Variants in SIPA1L2 observed in about 807,000 individuals in gnomAD.
The protein encoded by SIPA1L2 is signal induced proliferation associated 1 like 2.
Under a neutral mutation model 163.9 loss-of-function variants are expected in SIPA1L2, and 56 were observed. The ratio of observed to expected loss-of-function variants is 0.34; its 90% CI spans 0.28 to 0.43. The LOEUF is 0.43. Ranked by LOEUF, SIPA1L2 falls within the 20% of genes least tolerant of loss-of-function variation. The probability of loss-of-function intolerance (pLI) is 1.00; values close to 1 mark genes in which losing one functional copy is unlikely to be tolerated. For missense variants in SIPA1L2, 1,974 were observed against 2,193.5 expected (o/e 0.90, Z 2.00); for synonymous variants, 877 against 865.7 (o/e 1.01, Z -0.23).
At chr1:232,419,989 TAC>T (rs1661475654) in intron 18 of SIPA1L2, among the ~76,000 whole-genome samples, 1 of 152,168 alleles carries the variant, frequency 6.6e-6, no homozygotes, top group South Asian at 2.1e-4. Context: ...AACAGATGAA[TAC>T]TGTTGGTGTT....
At chr1:232,478,098 G>A (rs1665138138) in intron 7 of SIPA1L2, among the ~76,000 whole-genome samples, 1 of 152,198 alleles carries the variant, frequency 6.6e-6, no homozygotes, top group Non-Finnish European at 1.5e-5. Flanking sequence ...AAGATCCAGT[G>A]AATCTGCTCG....
intron 19 of SIPA1L2, among the ~76,000 whole-genome samples, chr1:232,409,413 A>T (rs183697189): frequency 1.3e-5 from 2 of 152,328 alleles, no homozygotes; most frequent in East Asian, 3.9e-4. Flanking sequence ...TACAGTGGAA[A>T]GCTGTCTCCA....
chr1:232,599,275 C>T (rs1054869018), intron 1 of SIPA1L2, among the ~76,000 whole-genome samples: 4 of 152,162 alleles, frequency 2.6e-5, no homozygotes, highest in Non-Finnish European at 5.9e-5. Context: ...ACCCACTCTG[C>T]CTAGGCCAAT....
intron 1 of SIPA1L2, among the ~76,000 whole-genome samples, chr1:232,579,891 G>A (rs980718769): frequency 6.6e-6 from 1 of 152,182 alleles, no homozygotes; most frequent in Non-Finnish European, 1.5e-5. Flanking sequence ...TGGGGGCTTG[G>A]AGTGTTACTG....
chr1:232,565,702 A>T (rs1659362641), intron 2 of SIPA1L2, among the ~76,000 whole-genome samples: 1 of 152,218 alleles, frequency 6.6e-6, no homozygotes, highest in Non-Finnish European at 1.5e-5. Context: ...TTTACTGCAC[A>T]TACAGATTCT....
Position 232,574,182 on chromosome 1 carries a change from G to C in SIPA1L2, c.-278C>G, listed in dbSNP as rs976318507. ...CTTGCTTGCAGGCTTACCTGAGTGG[G>C]GAAGAGCAGCGGGCTCCTGCTCACA... On this transcript the variant is annotated 5_prime_UTR_variant, in exon 2 of 23. Transcript: ENST00000674635. Among the ~76,000 whole-genome samples, 36 of 152,264 alleles carry C rather than the reference G, an allele frequency of 2.4e-4. No homozygotes were observed. Among genetic ancestry groups the C allele is most frequent in the African/African-American group, 8.7e-4 (36 of 41,546 alleles).
chr1:232,523,056 C>G (rs1667530084), intron 2 of SIPA1L2, among the ~76,000 whole-genome samples: 1 of 152,206 alleles, frequency 6.6e-6, no homozygotes, highest in African/African-American at 2.4e-5. Context: ...CTATTCTCTT[C>G]CCAACTACAA....
At chr1:232,460,689 TA>T in intron 10 of SIPA1L2, among the ~76,000 whole-genome samples, 197 bp downstream of exon 10, 1 of 152,326 alleles carries the variant, frequency 6.6e-6, no homozygotes, top group South Asian at 2.1e-4. Flanking sequence ...TATCATCTAT[TA>T]CATATTTTAA....
chr1:232,480,764 C>T (rs1665308057), intron 6 of SIPA1L2, among the ~76,000 whole-genome samples: 1 of 152,092 alleles, frequency 6.6e-6, no homozygotes, highest in African/African-American at 2.4e-5. Context: ...ATCATTTATT[C>T]CATTGTGTTT....
At chr1:232,609,876 A>T (rs553705859) in intron 1 of SIPA1L2, among the ~76,000 whole-genome samples, 1 of 151,974 alleles carries the variant, frequency 6.6e-6, no homozygotes, top group African/African-American at 2.4e-5. Flanking sequence ...AAGGAAGCAA[A>T]CTCAGTTATC....
chr1:232,426,533 G>A (rs1012228242), intron 17 of SIPA1L2, among the ~76,000 whole-genome samples: 7 of 152,122 alleles, frequency 4.6e-5, no homozygotes, highest in Non-Finnish European at 1.0e-4. Context: ...GGTGATGCAC[G>A]CCTGTAGTCC....
intron 1 of SIPA1L2, among the ~76,000 whole-genome samples, chr1:232,617,619 T>C (rs911809951): frequency 2.0e-5 from 3 of 151,766 alleles, no homozygotes; most frequent in Non-Finnish European, 4.4e-5. Context: ...TGCAAGAACA[T>C]GCAAAACTTA....
intron 15 of SIPA1L2, among the ~76,000 whole-genome samples, chr1:232,437,243 G>T (rs1025838749): frequency 1.3e-5 from 2 of 152,116 alleles, no homozygotes; most frequent in African/African-American, 2.4e-5. Flanking sequence ...CCAAAAAGGT[G>T]TCATGAAATC....
At chr1:232,580,616 G>T (rs1199168644) in intron 1 of SIPA1L2, among the ~76,000 whole-genome samples, 1 of 152,304 alleles carries the variant, frequency 6.6e-6, no homozygotes, top group East Asian at 1.9e-4. Flanking sequence ...GTTGCCTCAT[G>T]ATGCAGATGA....
Position 232,465,072 on chromosome 1 carries a change from TC to T in SIPA1L2, c.2587del (p.Asp863ThrfsTer21). The part of the protein sequence containing the change: ...GAIMWHVIAR[D>X]FGQSADIECL... ...TTCAATGTCAGCAGACTGGCCGAAG[TC>T]CCGGGCTATCACGTGCCACATGATG... On this transcript the variant is annotated frameshift_variant, in exon 9 of 23. Transcript: ENST00000674635. LOFTEE classifies it high-confidence loss of function. This position sits in a 1 kb window ranked among gnomAD's most constrained non-coding sequence, Gnocchi z 4.1. 6.2e-7 allele frequency: 1 copy of T among 1,614,156 alleles called. No homozygotes were observed. The highest frequency in any genetic ancestry group is 8.5e-7 in the Non-Finnish European group (1 of 1,180,036).
intron 1 of SIPA1L2, among the ~76,000 whole-genome samples, 172 bp downstream of exon 1, chr1:232,629,697 G>GGACCCTGCGCCGC (rs1251944943): frequency 1.3e-5 from 2 of 151,980 alleles, no homozygotes; most frequent in Non-Finnish European, 2.9e-5. Context: ...TCTACAAGCC[G>GGACCCTGCGCCGC]GACCCTGCGC....
At chr1:232,615,999 A>G (rs1662481316) in intron 1 of SIPA1L2, among the ~76,000 whole-genome samples, 2 of 152,198 alleles carry the variant, frequency 1.3e-5, no homozygotes, top group Admixed American at 6.5e-5. Context: ...CCTCTCCATA[A>G]TACTATGACA....
intron 19 of SIPA1L2, among the ~76,000 whole-genome samples, 177 bp from the exon 20 acceptor site, chr1:232,404,355 T>C (rs995450263): frequency 1.3e-5 from 2 of 152,154 alleles, no homozygotes; most frequent in East Asian, 3.9e-4. Context: ...TTTCATGTTT[T>C]CACTGTTGGT....
chr1:232,625,196 T>C (rs1006562899), intron 1 of SIPA1L2, among the ~76,000 whole-genome samples: 3 of 152,192 alleles, frequency 2.0e-5, no homozygotes, highest in African/African-American at 4.8e-5. Flanking sequence ...TGAAGAGCAT[T>C]AGTAGTTAAC....
Sources: allele counts gnomAD v4.1 joint callset (sites outside exome capture counted in the v4.1 genomes callset), GRCh38; gene constraint gnomAD v4.1.1; non-coding constraint Gnocchi (gnomAD v3.1); transcripts MANE v1.5; gene names NCBI Gene and HGNC (gene_info 2026-07-23, HGNC 2026-07-21).